The following PRPF8 variants were observed in gnomAD, a reference collection of about 807,000 sequenced individuals.
PRPF8 encodes pre-mRNA processing factor 8, also known as pre-mRNA-processing-splicing factor 8.
In PRPF8, 64 loss-of-function variants were observed where a neutral mutation model predicts 285.9. The ratio of observed to expected loss-of-function variants is 0.22; its 90% CI spans 0.18 to 0.28. PRPF8 has a LOEUF of 0.28. PRPF8 is among the 10% of genes least tolerant of loss of function. PRPF8 has a pLI of 1.00. For synonymous variants in PRPF8, 1,325 were observed against 1,118.2 expected, an observed-to-expected ratio of 1.18 and a Z score of -3.69; for missense variants, 1,426 against 3,026.7, an observed-to-expected ratio of 0.47 and a Z score of 12.41.
chr17:1,657,381 C>T (rs1219585337), intron 34 of PRPF8, among the ~76,000 whole-genome samples: 1 of 152,150 alleles, frequency 6.6e-6, no homozygotes, highest in Non-Finnish European at 1.5e-5. Flanking sequence ...CACGGTGGCT[C>T]AAGCCTGTAA....
chr17:1,657,970 A>G (rs58844762), intron 34 of PRPF8, among the ~76,000 whole-genome samples: 1 of 81,284 alleles, frequency 1.2e-5, no homozygotes, highest in Non-Finnish European at 2.2e-5. Context: ...GACTCCGGCT[A>G]AAAAAAAAAA....
In PRPF8 at chr17:1,676,251, G is replaced by A. The variant is rs1347031925; in HGVS notation, c.2508C>T (p.Thr836=). 8.1e-6 allele frequency: 13 copies of A among 1,613,980 alleles called. No individual in the cohort carries two copies. Among genetic ancestry groups the A allele is most frequent in the Non-Finnish European group, 1.1e-5 (13 of 1,180,024 alleles). Reference sequence around the variant, plus strand: ...GCTCCAATGCCAAGATGAGCAACTTGGTGTCATGCTTATAGGAGAGTGGGG... The same window carrying A: ...GCTCCAATGCCAAGATGAGCAACTTAGTGTCATGCTTATAGGAGAGTGGGG... ...PFPPLSYKHD[T]KLLILALERL... Residue 836 remains threonine (T), a synonymous_variant, in exon 17 of 43, where the codon ACC becomes ACT. Transcript: ENST00000304992. The surrounding 1 kb of genome is among the most constrained non-coding windows in gnomAD (Gnocchi z 6.3).
In PRPF8 at chr17:1,684,498, A is replaced by G. The variant is rs537516822; in HGVS notation, c.74T>C (p.Met25Thr). Reference protein sequence around the residue: ...PGPLAPLPDYMSEEKLQEKAR... With the variant: ...PGPLAPLPDYTSEEKLQEKAR... ...TTTCTCCTGCAGCTTCTCCTCCGAC[A>G]TGTAGTCCGGTAGCGGGGCTAGAGG... Residue 25 changes from methionine (M) to threonine (T), a missense_variant, in exon 2 of 43, where the codon ATG (methionine) becomes ACG (threonine). Met to Thr is a moderately conservative substitution (Grantham distance 81). This residue lies in a region of PRPF8 where 72 missense variants were observed against 80.0 expected (regional missense o/e 0.90). Transcript: ENST00000304992. The G allele has an allele frequency of 1.7e-5, 28 of 1,612,538 alleles. No individual in the cohort carries two copies. In the South Asian group the frequency reaches 2.1e-4, roughly 12 times the overall value.
intron 14 of PRPF8, 24 bp from the exon 15 acceptor site, chr17:1,677,196 G>C (rs1291400557): frequency 6.2e-7 from 1 of 1,607,534 alleles, no homozygotes; most frequent in Admixed American, 1.7e-5. Context: ...GTCCCAAGGG[G>C]ATTACAAGGA....
In PRPF8 at chr17:1,679,926, G is replaced by C; in HGVS notation, c.1099-127C>G. On this transcript the variant is annotated intron_variant, in intron 8 of 42. Transcript: ENST00000304992. The surrounding 1 kb of genome is among the most constrained non-coding windows in gnomAD (Gnocchi z 4.7). ...ATGGAAACTGGGCTGTCTGACAAAA[G>C]CAGCCCTGAAGTGCCAGCACAAAGG... 1 of 1,150,210 alleles carries C rather than the reference G, an allele frequency of 8.7e-7. No individual in the cohort carries two copies. The highest frequency in any genetic ancestry group is 1.3e-6 in the Non-Finnish European group (1 of 764,776). 71.3% of individuals were successfully genotyped at this position (1,150,210 alleles called of 1,614,324 possible).
chr17:1,682,275 G>A lies in PRPF8; in HGVS notation c.288C>T (p.Pro96=), dbSNP rs1567692960. 6.2e-7 allele frequency: 1 copy of A among 1,614,120 alleles called. No homozygotes were observed. Among genetic ancestry groups the A allele is most frequent in the Non-Finnish European group, 8.5e-7 (1 of 1,180,022 alleles). The change falls in exon 4 of 43, where the codon CCC becomes CCT. Residue 96 remains proline, a synonymous_variant. Transcript: ENST00000304992. ...RVYLGALKYM[P]HAVLKLLENM... ...TCTCCAGGAGTTTGAGGACTGCGTG[G>A]GGCATGTACTTTAGGGCACTGGCAC...
chr17:1,666,975 C>T (rs1326912762), intron 24 of PRPF8, among the ~76,000 whole-genome samples: 1 of 152,094 alleles, frequency 6.6e-6, no homozygotes, highest in African/African-American at 2.4e-5. Context: ...GAGTTTGAGA[C>T]CAGCCTGACC....
intron 34 of PRPF8, among the ~76,000 whole-genome samples, chr17:1,657,460 A>G (rs1184090401): frequency 1.3e-5 from 2 of 152,050 alleles, no homozygotes; most frequent in African/African-American, 2.4e-5. Context: ...CCTGGCCAAC[A>G]TGGTGAAACC....
intron 5 of PRPF8, 39 bp from the exon 6 acceptor site, chr17:1,681,729 T>C (rs1912939387): frequency 1.2e-6 from 2 of 1,610,766 alleles, no homozygotes; most frequent in Non-Finnish European, 1.7e-6. Context: ...AGTAAGCAGC[T>C]AGACAAACCC....
Position 1,661,869 on chromosome 17 carries a change from G to A in PRPF8, c.4022+37C>T, listed in dbSNP as rs770105898. On this transcript the variant is annotated intron_variant, in intron 25 of 42. Coordinates refer to ENST00000304992, the MANE Select transcript of PRPF8 (RefSeq NM_006445.4). The surrounding 1 kb of genome is among the most constrained non-coding windows in gnomAD (Gnocchi z 7.3). Reference sequence around the variant, plus strand: ...AATACCCACTTCCCTTAGGGCCTGAGCAATAGGGTTTAGAAATACGTTGAA... The same window carrying A: ...AATACCCACTTCCCTTAGGGCCTGAACAATAGGGTTTAGAAATACGTTGAA... 19 of 1,614,062 alleles carry A rather than the reference G, an allele frequency of 1.2e-5. No individual in the cohort carries two copies. The Middle Eastern group carries it at 6.6e-4, about 56-fold the overall frequency.
intron 3 of PRPF8, among the ~76,000 whole-genome samples, chr17:1,682,801 G>C (rs767489593): frequency 6.6e-6 from 1 of 152,096 alleles, no homozygotes; most frequent in Non-Finnish European, 1.5e-5. Flanking sequence ...TGTCCAAATA[G>C]AACAGGAATC....
Position 1,673,931 on chromosome 17 carries a change from C to T in PRPF8, c.3300-39G>A, listed in dbSNP as rs755696702. ...GGTACACTGCTGAGGCCCCAGTACA[C>T]TGAGATTTGGGACACCCACAAGTCC... On this transcript the variant is annotated intron_variant, in intron 21 of 42. Transcript: ENST00000304992. This position sits in a 1 kb window ranked among gnomAD's most constrained non-coding sequence, Gnocchi z 5.5. The T allele has an allele frequency of 1.2e-6, 2 of 1,606,740 alleles. No individual in the cohort carries two copies. The highest frequency in any genetic ancestry group is 1.7e-5 in the Admixed American group (1 of 59,968).
chr17:1,683,916 TCA>T (rs1913082570), intron 2 of PRPF8, among the ~76,000 whole-genome samples: 1 of 151,742 alleles, frequency 6.6e-6, no homozygotes, highest in African/African-American at 2.4e-5. Context: ...AGAGGTTGTT[TCA>T]CTCTGTCTCC....
chr17:1,669,777 C>A (rs1478281691), intron 24 of PRPF8, among the ~76,000 whole-genome samples: 6 of 152,202 alleles, frequency 3.9e-5, no homozygotes, highest in Non-Finnish European at 5.9e-5. Flanking sequence ...TTCCTGAAGG[C>A]CTTGGTTCCA....
Position 1,659,722 on chromosome 17 carries a change from T to C in PRPF8, c.4946+119A>G. The C allele has an allele frequency of 7.8e-6, 11 of 1,407,652 alleles. No individual in the cohort carries two copies. The South Asian group carries it at 1.3e-4, about 17-fold the overall frequency. The allele number at this position is 1,407,652 out of a possible 1,614,324, so 87.2% of individuals were successfully genotyped here. A position where few individuals can be genotyped will look rare whatever the true frequency, so the allele number is the denominator to read the frequency against. On this transcript the variant is annotated intron_variant, in intron 31 of 42. Coordinates refer to ENST00000304992, the MANE Select transcript of PRPF8 (RefSeq NM_006445.4). The surrounding 1 kb of genome is among the most constrained non-coding windows in gnomAD (Gnocchi z 5.1). ...TAAGGGTGTTGACAGGCTCCAAGCGTAGCACTGGCTCCAAGTTTGAAACAA... is the reference window on the plus strand; with the variant it reads ...TAAGGGTGTTGACAGGCTCCAAGCGCAGCACTGGCTCCAAGTTTGAAACAA...
Position 1,675,824 on chromosome 17 carries a change from G to A in PRPF8, c.2680-12C>T, listed in dbSNP as rs758386768. On this transcript the variant is annotated splice_polypyrimidine_tract_variant and intron_variant, in intron 18 of 42. Transcript: ENST00000304992. The surrounding 1 kb of genome is among the most constrained non-coding windows in gnomAD (Gnocchi z 6.0). Reference sequence around the variant, plus strand: ...AACTCAATGCCCACCTGTGGGACAAGGAGGCTGGTTCACACCAATCCACCA... The same window carrying A: ...AACTCAATGCCCACCTGTGGGACAAAGAGGCTGGTTCACACCAATCCACCA... 1.2e-6 allele frequency: 2 copies of A among 1,614,134 alleles called. No homozygotes were observed. The highest frequency in any genetic ancestry group is 1.7e-6 in the Non-Finnish European group (2 of 1,180,018).
intron 30 of PRPF8, 76 bp from the exon 31 acceptor site, chr17:1,660,077 G>A: frequency 6.7e-7 from 1 of 1,481,736 alleles, no homozygotes; most frequent in Non-Finnish European, 9.4e-7. Context: ...ATAAGATAAT[G>A]AGGCAATAGG....
chr17:1,676,087 A>G lies in PRPF8; in HGVS notation c.2553-33T>C. 1 of 1,612,396 alleles carries G rather than the reference A, an allele frequency of 6.2e-7. No individual in the cohort carries two copies. Among genetic ancestry groups the G allele is most frequent in the Non-Finnish European group, 8.5e-7 (1 of 1,179,984 alleles). ...AAGCAATGGGAAGGGTGAATGGGAA[A>G]ACTAGGAGGAAGTAAAACCAGGAAA... On this transcript the variant is annotated intron_variant, in intron 17 of 42. Transcript: ENST00000304992. The surrounding 1 kb of genome is among the most constrained non-coding windows in gnomAD (Gnocchi z 6.3).
chr17:1,656,693 G>A lies in PRPF8; in HGVS notation c.5574C>T (p.Pro1858=). Residue 1858 remains proline (P), a synonymous_variant, in exon 35 of 43, where the codon CCC becomes CCT. Transcript: ENST00000304992. ...LIRSLPVEEQ[P]KQIIVTRKGM... is the part of the protein sequence containing the mutation. ...CCTTCCTGGTGACAATGATCTGCTT[G>A]GGCTGCTCCTCCACAGGCAGAGATC... 6.2e-7 allele frequency: 1 copy of A among 1,614,010 alleles called. No individual in the cohort carries two copies. Among genetic ancestry groups the A allele is most frequent in the Non-Finnish European group, 8.5e-7 (1 of 1,180,018 alleles).
Sources: allele counts gnomAD v4.1 joint callset (sites outside exome capture counted in the v4.1 genomes callset), GRCh38; gene constraint gnomAD v4.1.1; regional missense constraint gnomAD v4.1.1; non-coding constraint Gnocchi (gnomAD v3.1); transcripts MANE v1.5; gene names NCBI Gene and HGNC (gene_info 2026-07-23, HGNC 2026-07-21).